BRAF: variants seen among roughly 807,000 people sequenced by gnomAD.
BRAF encodes the protein serine/threonine-protein kinase B-raf.
In BRAF, 16 loss-of-function variants were observed where a neutral mutation model predicts 104.6. The observed-to-expected ratio is 0.15, with a 90% CI of 0.10 to 0.23. The LOEUF (loss-of-function observed/expected upper bound fraction) is 0.23. Among genes scored for constraint, BRAF ranks in the 10% least tolerant of loss-of-function variants. BRAF has a pLI of 1.00. For synonymous variants in BRAF, 310 were observed against 341.6 expected, an observed-to-expected ratio of 0.91 and a Z score of 1.02; for missense variants, 541 against 937.3, an observed-to-expected ratio of 0.58 and a Z score of 5.52.
In BRAF at chr7:140,726,504, G is replaced by A. The variant is rs1236943034; in HGVS notation, c.2414C>T (p.Ala805Val). ...CTGCCATGATGGTGGCTACTTGAAGGCTGCAAATTCTCCTGTAGAGGGAGG... is the reference window on the plus strand; with the variant it reads ...CTGCCATGATGGTGGCTACTTGAAGACTGCAAATTCTCCTGTAGAGGGAGG... ...IQAGGYGEFA[A>V]FK Residue 805 changes from alanine (A) to valine (V), a missense_variant, in exon 20 of 20, where the codon GCC becomes GTC. Physicochemically the swap from Ala to Val is moderately conservative, Grantham distance 64 (BLOSUM62 0). This residue lies in a region of BRAF where 129 missense variants were observed against 285.8 expected (regional missense o/e 0.45). Transcript: ENST00000644969. 6.5e-7 allele frequency: 1 copy of A among 1,536,306 alleles called. No homozygotes were observed. Among genetic ancestry groups the A allele is most frequent in the Non-Finnish European group, 8.7e-7 (1 of 1,146,934 alleles).
At chr7:140,760,933 G>A (rs532669600) in intron 14 of BRAF, among the ~76,000 whole-genome samples, 46 of 152,262 alleles carry the variant, frequency 3.0e-4, no homozygotes, top group South Asian at 1.5e-3. Context: ...TGAAAGTGAC[G>A]GGGAGAATGG....
At chr7:140,889,263 G>A (rs556607529) in intron 1 of BRAF, among the ~76,000 whole-genome samples, 1 of 152,260 alleles carries the variant, frequency 6.6e-6, no homozygotes, top group South Asian at 2.1e-4. Context: ...CTTAAAATAT[G>A]AATTTGTACA....
intron 2 of BRAF, among the ~76,000 whole-genome samples, chr7:140,841,197 C>T (rs1349750982): frequency 1.3e-5 from 2 of 152,064 alleles, no homozygotes; most frequent in Non-Finnish European, 2.9e-5. Context: ...CCAATTCACA[C>T]CTACTAAGAT....
At chr7:140,919,698 C>T (rs1021953549) in intron 1 of BRAF, among the ~76,000 whole-genome samples, 6 of 152,072 alleles carry the variant, frequency 3.9e-5, no homozygotes, top group Non-Finnish European at 7.4e-5. Flanking sequence ...CTATATTTTT[C>T]TTCTTACACT....
chr7:140,792,429 C>T (rs551740577), intron 8 of BRAF, among the ~76,000 whole-genome samples: 1 of 152,308 alleles, frequency 6.6e-6, no homozygotes, highest in East Asian at 1.9e-4. Flanking sequence ...GTTTCACCTT[C>T]CACCATTCCC....
intron 5 of BRAF, among the ~76,000 whole-genome samples, chr7:140,803,988 G>A: frequency 6.6e-6 from 1 of 152,028 alleles, no homozygotes; most frequent in Non-Finnish European, 1.5e-5. Flanking sequence ...GGTTTCAAGT[G>A]ATTCTCCTGC....
Position 140,722,391 on chromosome 7 carries a change from T to C in BRAF, c.*4103A>G. 9.5e-7 allele frequency: 1 copy of C among 1,054,090 alleles called. No homozygotes were observed. The highest frequency in any genetic ancestry group is 1.1e-6 in the Non-Finnish European group (1 of 872,346). 65.3% of individuals were successfully genotyped at this position (1,054,090 alleles called of 1,614,324 possible). Reference sequence around the variant, plus strand: ...GGCTGCTCTCTTCACAAATCACTGATTTCTGCTAAAATGTTAGCTTTTTTA... The same window carrying C: ...GGCTGCTCTCTTCACAAATCACTGACTTCTGCTAAAATGTTAGCTTTTTTA... On this transcript the variant is annotated 3_prime_UTR_variant, in exon 20 of 20. Transcript: ENST00000644969.
At chr7:140,845,103 ACT>A (rs1808406263) in intron 2 of BRAF, among the ~76,000 whole-genome samples, 1 of 152,106 alleles carries the variant, frequency 6.6e-6, no homozygotes, top group Non-Finnish European at 1.5e-5. Flanking sequence ...CCAGAAATAA[ACT>A]CTTGCATATA....
intron 1 of BRAF, among the ~76,000 whole-genome samples, chr7:140,871,078 A>T (rs1811528480): frequency 6.6e-6 from 1 of 151,478 alleles, no homozygotes; most frequent in African/African-American, 2.4e-5. Context: ...ATACAAAAAA[A>T]AATACAAAAA....
intron 1 of BRAF, among the ~76,000 whole-genome samples, chr7:140,851,417 A>T (rs1229142476): frequency 6.6e-6 from 1 of 152,158 alleles, no homozygotes; most frequent in Admixed American, 6.5e-5. Context: ...TCAGATATCA[A>T]TTTTTAAATG....
chr7:140,837,458 C>A (rs529664725), intron 2 of BRAF, among the ~76,000 whole-genome samples: 1 of 152,158 alleles, frequency 6.6e-6, no homozygotes, highest in Non-Finnish European at 1.5e-5. Flanking sequence ...ACATACTTTG[C>A]GGCTCACAAC....
rs1403734909 is a variant in BRAF, at chr7:140,724,112, T to C, written c.*2382A>G. 2 of 1,051,238 alleles carry C rather than the reference T, an allele frequency of 1.9e-6. No homozygotes were observed. Among genetic ancestry groups the C allele is most frequent in the Non-Finnish European group, 2.3e-6 (2 of 870,586 alleles). The allele number at this position is 1,051,238 out of a possible 1,614,324, so 65.1% of individuals were successfully genotyped here. The stretch of plus-strand genomic sequence containing the variant: ...CCCCCGTTCAAATGAGATACCAGCC[T>C]ATTCTAAAATGCAAGGGAAGAAAAA... On this transcript the variant is annotated 3_prime_UTR_variant, in exon 20 of 20. Transcript: ENST00000644969.
chr7:140,727,047 A>G (rs1406155978), intron 19 of BRAF, among the ~76,000 whole-genome samples: 1 of 152,230 alleles, frequency 6.6e-6, no homozygotes, highest in Non-Finnish European at 1.5e-5. Flanking sequence ...TTCACCTTCA[A>G]TCTAACAAAA....
At chr7:140,761,936 A>G (rs1285418139) in intron 14 of BRAF, among the ~76,000 whole-genome samples, 1 of 152,082 alleles carries the variant, frequency 6.6e-6, no homozygotes, top group Non-Finnish European at 1.5e-5. Flanking sequence ...ACACAATAAT[A>G]ATGGGAGACT....
rs1416941152 is a variant in BRAF, at chr7:140,786,246, A to G, written c.1178-438T>C. 4.6e-5 allele frequency among the ~76,000 whole-genome samples: 7 copies of G among 152,354 alleles called. No homozygotes were observed. In the South Asian group the frequency reaches 8.3e-4, roughly 18 times the overall value. On this transcript the variant is annotated intron_variant, in intron 9 of 19. Coordinates refer to ENST00000644969, the MANE Select transcript of BRAF (RefSeq NM_001374258.1). ...ATACCAAGTCCAGAGTATAGAATGCAGGCTTATTATTATTTTGGTTGCTTC... is the reference window on the plus strand; with the variant it reads ...ATACCAAGTCCAGAGTATAGAATGCGGGCTTATTATTATTTTGGTTGCTTC...
chr7:140,868,922 T>C (rs1356964724), intron 1 of BRAF, among the ~76,000 whole-genome samples: 1 of 152,152 alleles, frequency 6.6e-6, no homozygotes, highest in Non-Finnish European at 1.5e-5. Context: ...ATGTGTCAGA[T>C]GCTAAATATA....
In BRAF at chr7:140,781,598, T is replaced by C. The variant is rs2129023545; in HGVS notation, c.1530A>G (p.Thr510=). The change falls in exon 12 of 20, where the codon ACA becomes ACG. Residue 510 remains threonine, a synonymous_variant. Transcript: ENST00000644969. The part of the protein sequence containing the change: ...GQRIGSGSFG[T]VYKGKWHGDV... The stretch of plus-strand genomic sequence containing the variant: ...TACCATGCCACTTTCCCTTGTAGAC[T>C]GTTCCAAATGATCCAGATCCAATTC... The C allele has an allele frequency of 6.2e-7, 1 of 1,614,068 alleles. No homozygotes were observed. The highest frequency in any genetic ancestry group is 8.5e-7 in the Non-Finnish European group (1 of 1,179,926).
intron 3 of BRAF, chr7:140,824,167 T>G (rs1297687481): frequency 6.6e-6 from 1 of 152,222 alleles, no homozygotes; most frequent in Non-Finnish European, 1.5e-5. Context: ...AATTTTTCCA[T>G]TTTTTCTTGT....
intron 2 of BRAF, among the ~76,000 whole-genome samples, chr7:140,847,054 C>CT (rs558565900): frequency 4.5e-4 from 68 of 152,198 alleles, no homozygotes; most frequent in African/African-American, 1.2e-3. Flanking sequence ...ACTTGAGAGG[C>CT]TGACGCAGGA....
Sources: allele counts gnomAD v4.1 joint callset (sites outside exome capture counted in the v4.1 genomes callset), GRCh38; gene constraint gnomAD v4.1.1; regional missense constraint gnomAD v4.1.1; transcripts MANE v1.5; gene names NCBI Gene and HGNC (gene_info 2026-07-23, HGNC 2026-07-21).